The following FILIP1L variants were observed in gnomAD, a reference collection of about 807,000 sequenced individuals.
FILIP1L encodes filamin A interacting protein 1 like, also known as filamin A-interacting protein 1-like.
A neutral mutation model predicts 96.6 loss-of-function variants in FILIP1L; 55 were observed. That is an observed-to-expected ratio of 0.57 (90% CI 0.46 to 0.71). FILIP1L has a LOEUF of 0.71. Among genes scored for constraint, FILIP1L ranks in the 30% least tolerant of loss-of-function variants. The pLI is 0.00. For synonymous variants in FILIP1L, 467 were observed against 473.9 expected, an observed-to-expected ratio of 0.99 and a Z score of 0.19; for missense variants, 1,304 against 1,321.2, an observed-to-expected ratio of 0.99 and a Z score of 0.20.
intron 1 of FILIP1L, among the ~76,000 whole-genome samples, chr3:100,050,614 C>T (rs1056900821): frequency 6.6e-6 from 1 of 152,176 alleles, no homozygotes; most frequent in Non-Finnish European, 1.5e-5. Context: ...TCACTGCAAC[C>T]TCCATCTCCC....
intron 4 of FILIP1L, among the ~76,000 whole-genome samples, chr3:99,897,367 C>G (rs1347360600): frequency 3.3e-5 from 5 of 149,448 alleles, no homozygotes; most frequent in Non-Finnish European, 7.4e-5. Context: ...TAGACTTTGT[C>G]TCAAAAAAAA....
chr3:100,092,595 T>C (rs148115725), intron 1 of FILIP1L, among the ~76,000 whole-genome samples: 1 of 150,056 alleles, frequency 6.7e-6, no homozygotes, highest in Non-Finnish European at 1.5e-5. Flanking sequence ...GGAAGGCCAC[T>C]AGTTATGAGG....
chr3:100,018,374 G>A (rs1441405240), intron 1 of FILIP1L, among the ~76,000 whole-genome samples: 1 of 152,062 alleles, frequency 6.6e-6, no homozygotes, highest in African/African-American at 2.4e-5. Context: ...ATTAAAGTGT[G>A]AGAAATTAAA....
At chr3:99,885,865 A>G (rs192117180) in intron 4 of FILIP1L, among the ~76,000 whole-genome samples, 70 of 152,230 alleles carry the variant, frequency 4.6e-4, no homozygotes, top group Middle Eastern at 6.8e-3. Context: ...ATACAGCTCA[A>G]CTCTGTAAAT....
rs545231570 is a variant in FILIP1L at position 100,078,602 on chromosome 3, A to C, written c.-11+35451T>G. Among the ~76,000 whole-genome samples, 1,104 of 152,260 alleles carry C rather than the reference A, an allele frequency of 7.3e-3. 4 individuals carry two copies. The highest frequency in any genetic ancestry group is 0.01 in the African/African-American group (422 of 41,552). On this transcript the variant is annotated intron_variant, in intron 1 of 5. Transcript: ENST00000477258. ...ATAGCTGATGAGGTAAAGAAAAAAA[A>C]AATTGGCCTGGCATGGTGGCTCGCT... is the stretch of plus-strand genomic sequence containing the variant.
At chr3:100,076,492 T>TA (rs1475566541) in intron 1 of FILIP1L, among the ~76,000 whole-genome samples, 1 of 152,252 alleles carries the variant, frequency 6.6e-6, no homozygotes, top group Non-Finnish European at 1.5e-5. Context: ...CTATTTCTGT[T>TA]ATATTGCAAA....
intron 1 of FILIP1L, among the ~76,000 whole-genome samples, chr3:100,010,777 G>GGT (rs1710127455): frequency 1.4e-5 from 1 of 73,348 alleles, no homozygotes; most frequent in Non-Finnish European, 2.6e-5. Context: ...TCCACGCCCG[G>GGT]ATTTTTTTTT....
chr3:99,851,309 A>G (rs535623881), intron 4 of FILIP1L, among the ~76,000 whole-genome samples: 15 of 152,280 alleles, frequency 9.9e-5, no homozygotes, highest in African/African-American at 3.6e-4. Context: ...GCCTTAGTAA[A>G]AGAGTAAGGG....
chr3:99,983,689 CA>C (rs533900254), intron 1 of FILIP1L, among the ~76,000 whole-genome samples: 1,906 of 89,862 alleles, frequency 0.021, 40 homozygotes, highest in African/African-American at 0.067. Context: ...GACTCAGTCT[CA>C]AAAAAAAAAA....
chr3:99,944,350 A>G (rs774139271), intron 1 of FILIP1L, among the ~76,000 whole-genome samples: 6 of 152,328 alleles, frequency 3.9e-5, no homozygotes, highest in Non-Finnish European at 7.4e-5. Flanking sequence ...TCTTGGTCCA[A>G]GCTGGCTACA....
intron 1 of FILIP1L, among the ~76,000 whole-genome samples, chr3:100,019,399 C>A (rs2064763813): frequency 6.6e-6 from 1 of 152,012 alleles, no homozygotes. Context: ...ACCTCTCAAA[C>A]CTTACCCTTA....
In FILIP1L at chr3:100,012,779, T is replaced by G. The variant is rs867969004; in HGVS notation, c.-10-81749A>C. Among the ~76,000 whole-genome samples, 1,253 of 134,846 alleles carry G rather than the reference T, an allele frequency of 9.3e-3. 19 individuals are homozygous for G. Among genetic ancestry groups the G allele is most frequent in the African/African-American group, 0.03 (1,111 of 36,770 alleles). 88.5% of individuals were successfully genotyped at this position (134,846 alleles called of 152,430 possible). ...GCATATTCTTTTTTTTTTTTTTTTT[T>G]GGGTTGGGGGAGGGACAGGTTTTCT... is the stretch of plus-strand genomic sequence containing the variant. On this transcript the variant is annotated intron_variant, in intron 1 of 5. Transcript: ENST00000477258.
intron 1 of FILIP1L, among the ~76,000 whole-genome samples, chr3:99,980,896 A>G (rs763363172): frequency 1.9e-4 from 29 of 152,288 alleles, no homozygotes; most frequent in Admixed American, 3.9e-4. Context: ...GCTAGGTTTG[A>G]ATCGGGTACT....
At chr3:99,920,940 T>A (rs1707105864) in intron 4 of FILIP1L, among the ~76,000 whole-genome samples, 1 of 152,220 alleles carries the variant, frequency 6.6e-6, no homozygotes, top group South Asian at 2.1e-4. Flanking sequence ...GCAGTAAACC[T>A]TTACCGTGTT....
At chr3:100,014,305 G>A (rs1710254439) in intron 1 of FILIP1L, among the ~76,000 whole-genome samples, 1 of 151,928 alleles carries the variant, frequency 6.6e-6, no homozygotes, top group Admixed American at 6.6e-5. Context: ...ATGAATATGA[G>A]AATGTAGATA....
At chr3:100,017,851 A>G (rs1208751858) in intron 1 of FILIP1L, among the ~76,000 whole-genome samples, 2 of 151,784 alleles carry the variant, frequency 1.3e-5, no homozygotes, top group Non-Finnish European at 2.9e-5. Flanking sequence ...AATCTCTACC[A>G]TCAGCTTTCT....
chr3:99,889,296 G>A (rs1471833260), intron 4 of FILIP1L, among the ~76,000 whole-genome samples: 1 of 152,040 alleles, frequency 6.6e-6, no homozygotes, highest in Non-Finnish European at 1.5e-5. Flanking sequence ...AATTCAAACT[G>A]TTCCTAGGAA....
intron 3 of FILIP1L, among the ~76,000 whole-genome samples, chr3:99,924,622 G>T (rs535681777): frequency 1.6e-3 from 237 of 152,270 alleles, no homozygotes; most frequent in African/African-American, 5.3e-3. Flanking sequence ...GGGTTTAAGC[G>T]ATCCTTCTGC....
chr3:99,850,371 G>C lies in FILIP1L; in HGVS notation c.1305C>G (p.Asn435Lys), dbSNP rs1444056390. Residue 435 changes from asparagine (N) to lysine (K), a missense_variant, in exon 5 of 6, where the codon AAC becomes AAG. Transcript: ENST00000477258. ...GAGAGTAGCATTCTTGTTTGCTTTTGTTGAAAGCGTCTTCTAACTTTTCCA... is the reference window on the plus strand; with the variant it reads ...GAGAGTAGCATTCTTGTTTGCTTTTCTTGAAAGCGTCTTCTAACTTTTCCA... Reference protein sequence around the residue: ...MALEKLEDAFNKSKQECYSLK... With the variant: ...MALEKLEDAFKKSKQECYSLK... The C allele has an allele frequency of 1.2e-6, 2 of 1,612,510 alleles. No individual in the cohort carries two copies. The highest frequency in any genetic ancestry group is 8.5e-7 in the Non-Finnish European group (1 of 1,179,722).
Sources: gnomAD v4.1 joint callset for allele counts (sites outside exome capture counted in the v4.1 genomes callset) on GRCh38, gnomAD v4.1.1 for gene constraint, MANE v1.5 for transcripts, NCBI Gene and HGNC (gene_info 2026-07-23, HGNC 2026-07-21) for gene names.